The following AGAP1 variants were observed in gnomAD, a reference collection of about 807,000 sequenced individuals.
AGAP1 encodes ArfGAP with GTPase domain, ankyrin repeat and PH domain 1.
A neutral mutation model predicts 105.3 loss-of-function variants in AGAP1; 29 were observed. The observed-to-expected ratio is 0.28, with a 90% CI of 0.21 to 0.38. The LOEUF (loss-of-function observed/expected upper bound fraction) is 0.38, where lower values mean the gene tolerates loss of function less well. Among genes scored for constraint, AGAP1 ranks in the 10% least tolerant of loss-of-function variants. AGAP1 has a pLI of 1.00. For synonymous variants in AGAP1, 509 were observed against 485.9 expected, an observed-to-expected ratio of 1.05 and a Z score of -0.63; for missense variants, 998 against 1,165.1, an observed-to-expected ratio of 0.86 and a Z score of 2.09.
At position 235,962,046 on chromosome 2, in the gene AGAP1, GGTTTTGTTTTGTTTT is replaced by G. The variant is rs72183486; in HGVS notation, c.1484-6391_1484-6377del. ...CTTCTGATGGATGCTTTTGGTTTTT[GGTTTTGTTTTGTTTT>G]GTTTTGTTTTGTTTTGTTTTGTTTC... On this transcript the variant is annotated intron_variant, in intron 12 of 17. Coordinates refer to ENST00000304032, the MANE Select transcript of AGAP1 (RefSeq NM_001037131.3). This position sits in a 1 kb window ranked among gnomAD's most constrained non-coding sequence, Gnocchi z 5.3. 7.4e-4 allele frequency among the ~76,000 whole-genome samples: 112 copies of G among 150,644 alleles called. No individual in the cohort carries two copies. The highest frequency in any genetic ancestry group is 2.5e-3 in the African/African-American group (102 of 40,548).
At chr2:235,812,800 A>T (rs1300055083) in intron 9 of AGAP1, among the ~76,000 whole-genome samples, 1 of 152,226 alleles carries the variant, frequency 6.6e-6, no homozygotes, top group Non-Finnish European at 1.5e-5. Flanking sequence ...AAGCCCCACC[A>T]TTGAGGAACC....
At chr2:235,935,278 G>T (rs912966514) in intron 12 of AGAP1, among the ~76,000 whole-genome samples, 3 of 152,176 alleles carry the variant, frequency 2.0e-5, no homozygotes, top group South Asian at 2.1e-4. Flanking sequence ...CTTGCAAGCC[G>T]CACGGAGGAT....
Position 235,953,341 on chromosome 2 carries a change from G to C in AGAP1, c.1484-15121G>C, listed in dbSNP as rs1214449205. Among the ~76,000 whole-genome samples, 1 of 152,188 alleles carries C rather than the reference G, an allele frequency of 6.6e-6. No homozygotes were observed. The highest frequency in any genetic ancestry group is 1.5e-5 in the Non-Finnish European group (1 of 68,026). ...ACATAACAAAAGGTTACATGTGATG[G>C]CCAAGGGAAAAGAAAACGTAATTTA... On this transcript the variant is annotated intron_variant, in intron 12 of 17. Coordinates refer to ENST00000304032, the MANE Select transcript of AGAP1 (RefSeq NM_001037131.3). The surrounding 1 kb of genome is among the most constrained non-coding windows in gnomAD (Gnocchi z 5.2).
At chr2:235,913,887 A>G (rs1209126846) in intron 11 of AGAP1, among the ~76,000 whole-genome samples, 4 of 152,084 alleles carry the variant, frequency 2.6e-5, no homozygotes, top group Non-Finnish European at 5.9e-5. Context: ...TGGCATCTTT[A>G]CTGTGTGGAG....
At chr2:235,880,102 TA>T (rs1320361847) in intron 9 of AGAP1, among the ~76,000 whole-genome samples, 15 of 137,756 alleles carry the variant, frequency 1.1e-4, no homozygotes, top group Non-Finnish European at 1.3e-4. Context: ...TTTTTTTTTT[TA>T]AAGTTTTAAT....
intron 1 of AGAP1, among the ~76,000 whole-genome samples, chr2:235,534,317 A>G (rs1943139177): frequency 1.3e-5 from 2 of 152,170 alleles, no homozygotes. Flanking sequence ...CACACAGTCC[A>G]TGTTTAATAA....
intron 13 of AGAP1, among the ~76,000 whole-genome samples, chr2:236,032,584 C>T (rs2057257646): frequency 1.3e-5 from 2 of 151,998 alleles, no homozygotes; most frequent in South Asian, 4.2e-4. Flanking sequence ...GATGGGGAAG[C>T]ATTATTAGAA....
chr2:235,745,495 A>G (rs901427477), intron 5 of AGAP1, among the ~76,000 whole-genome samples: 5 of 152,222 alleles, frequency 3.3e-5, no homozygotes, highest in Admixed American at 6.5e-5. Context: ...GTCTGCCACT[A>G]GGGTCTAAGA....
In AGAP1 at chr2:235,906,955, A is replaced by G. The variant is rs1328007577; in HGVS notation, c.1156-1783A>G. ...CTCTTGAATCCGGAAGGCAGAGGTT[A>G]CAGTGAGCTGAGTTCATGCCACTCC... On this transcript the variant is annotated intron_variant, in intron 10 of 17. Coordinates refer to ENST00000304032, the MANE Select transcript of AGAP1 (RefSeq NM_001037131.3). The surrounding 1 kb of genome is among the most constrained non-coding windows in gnomAD (Gnocchi z 5.3). Among the ~76,000 whole-genome samples, 2 of 152,178 alleles carry G rather than the reference A, an allele frequency of 1.3e-5. No homozygotes were observed. Among genetic ancestry groups the G allele is most frequent in the East Asian group, 3.8e-4 (2 of 5,196 alleles).
Position 235,494,649 on chromosome 2 carries a change from G to T in AGAP1, c.-38G>T, listed in dbSNP as rs1214304997. Reference sequence around the variant, plus strand: ...GGGCCCCGGGGCGCGGGGCGGCGGCGGCGGGGGGCGCGCGGCTCCGGGCGC... The same window carrying T: ...GGGCCCCGGGGCGCGGGGCGGCGGCTGCGGGGGGCGCGCGGCTCCGGGCGC... On this transcript the variant is annotated 5_prime_UTR_variant, in exon 1 of 18. Transcript: ENST00000304032. 4.8e-6 allele frequency: 5 copies of T among 1,033,650 alleles called. No homozygotes were observed. Among genetic ancestry groups the T allele is most frequent in the Non-Finnish European group, 5.9e-6 (5 of 853,110 alleles). The allele number at this position is 1,033,650 out of a possible 1,614,324, so 64.0% of individuals were successfully genotyped here.
In AGAP1 at chr2:235,867,572, T is replaced by TGCGTGTGC. The variant is rs1553655423; in HGVS notation, c.1051-15772_1051-15771insCGTGTGCG. On this transcript the variant is annotated intron_variant, in intron 9 of 17. Coordinates refer to ENST00000304032, the MANE Select transcript of AGAP1 (RefSeq NM_001037131.3). The surrounding 1 kb of genome is among the most constrained non-coding windows in gnomAD (Gnocchi z 5.4). ...GTGTGTGTGTGTGTGTGTGTGTGTG[T>TGCGTGTGC]GTGCAAGTGAGGGAGGGTGACCCCC... is the stretch of plus-strand genomic sequence containing the variant. Among the ~76,000 whole-genome samples, 1 of 148,370 alleles carries TGCGTGTGC rather than the reference T, an allele frequency of 6.7e-6. No individual in the cohort carries two copies. Among genetic ancestry groups the TGCGTGTGC allele is most frequent in the Non-Finnish European group, 1.5e-5 (1 of 67,064 alleles).
At chr2:235,587,109 G>A (rs1413347670) in intron 1 of AGAP1, among the ~76,000 whole-genome samples, 1 of 152,194 alleles carries the variant, frequency 6.6e-6, no homozygotes, top group Non-Finnish European at 1.5e-5. Context: ...CCATTTGTAT[G>A]GAGAAGGTAT....
At chr2:235,757,075 G>A (rs915254529) in intron 6 of AGAP1, among the ~76,000 whole-genome samples, 3 of 152,156 alleles carry the variant, frequency 2.0e-5, no homozygotes, top group African/African-American at 4.8e-5. Context: ...CCACCAAAAC[G>A]TCAGCGTCTT....
intron 1 of AGAP1, chr2:235,671,179 G>T (rs1014172928): frequency 2.1e-5 from 23 of 1,101,220 alleles, no homozygotes; most frequent in Non-Finnish European, 2.5e-5. Context: ...CGAGGGATGC[G>T]AACTCGGGTA....
intron 1 of AGAP1, among the ~76,000 whole-genome samples, chr2:235,699,772 G>C (rs923016629): frequency 6.6e-6 from 1 of 152,210 alleles, no homozygotes; most frequent in Non-Finnish European, 1.5e-5. Flanking sequence ...CATTCGCAGT[G>C]GGGGTGTCTG....
At chr2:235,524,434 T>C in intron 1 of AGAP1, 1 of 253,464 alleles carries the variant, frequency 3.9e-6, no homozygotes, top group Non-Finnish European at 8.7e-6. Context: ...GGGGGCAAGT[T>C]TAGAGCCTTT....
intron 9 of AGAP1, among the ~76,000 whole-genome samples, chr2:235,833,804 A>C (rs529574106): frequency 6.6e-6 from 1 of 151,798 alleles, no homozygotes. Context: ...AACTGAAACA[A>C]ATGTTCTATG....
intron 9 of AGAP1, among the ~76,000 whole-genome samples, chr2:235,809,718 A>T (rs749172829): frequency 2.0e-5 from 3 of 152,144 alleles, no homozygotes; most frequent in Non-Finnish European, 4.4e-5. Context: ...TTTCTAAAGG[A>T]ACATAGATCA....
At chr2:235,505,969 C>T (rs1467046859) in intron 1 of AGAP1, among the ~76,000 whole-genome samples, 3 of 146,664 alleles carry the variant, frequency 2.0e-5, no homozygotes, top group African/African-American at 5.1e-5. Flanking sequence ...CTTGCTCTGT[C>T]GCCCAGGCTG....
Sources: allele counts gnomAD v4.1 joint callset (sites outside exome capture counted in the v4.1 genomes callset), GRCh38; gene constraint gnomAD v4.1.1; non-coding constraint Gnocchi (gnomAD v3.1); transcripts MANE v1.5; gene names NCBI Gene and HGNC (gene_info 2026-07-23, HGNC 2026-07-21).